Variants in JARID2 observed in about 807,000 individuals in gnomAD.
The protein encoded by JARID2 is protein Jumonji.
Under a neutral mutation model 125.6 loss-of-function variants are expected in JARID2, and 21 were observed. The ratio of observed to expected loss-of-function variants is 0.17; its 90% CI spans 0.12 to 0.24. The LOEUF is 0.24. Ranked by LOEUF, JARID2 falls within the 10% of genes least tolerant of loss-of-function variation. The pLI is 1.00. For missense variants in JARID2, 1,303 were observed against 1,639.6 expected (o/e 0.79, Z 3.55); for synonymous variants, 736 against 661.6 (o/e 1.11, Z -1.73).
intron 12 of JARID2, chr6:15,509,122 C>T (rs1159129503): frequency 1.4e-5 from 18 of 1,288,854 alleles, no homozygotes; most frequent in South Asian, 3.7e-5. Flanking sequence ...TAATCTGACT[C>T]TCACTGTAGC....
At chr6:15,501,908 C>T (rs900329432) in intron 8 of JARID2, among the ~76,000 whole-genome samples, 11 of 152,176 alleles carry the variant, frequency 7.2e-5, no homozygotes, top group African/African-American at 1.9e-4. Flanking sequence ...TCCTGGTGCT[C>T]GACAGCTGCC....
At chr6:15,271,049 C>T (rs1173843471) in intron 1 of JARID2, among the ~76,000 whole-genome samples, 1 of 152,176 alleles carries the variant, frequency 6.6e-6, no homozygotes. Flanking sequence ...GATGGGAACA[C>T]AGAGTTCCCC....
intron 3 of JARID2, among the ~76,000 whole-genome samples, chr6:15,444,468 G>T (rs968613683): frequency 9.2e-5 from 14 of 152,154 alleles, no homozygotes; most frequent in Non-Finnish European, 1.8e-4. Context: ...TGGGTAGAGG[G>T]TATCCCTTGC....
intron 1 of JARID2, among the ~76,000 whole-genome samples, chr6:15,367,434 A>C (rs1764019657): frequency 6.6e-6 from 1 of 152,142 alleles, no homozygotes; most frequent in Admixed American, 6.5e-5. Flanking sequence ...ACTACTAATA[A>C]TAGTTTTTTT....
chr6:15,497,237 C>T, intron 7 of JARID2, 67 bp downstream of exon 7: 2 of 1,196,286 alleles, frequency 1.7e-6, no homozygotes, highest in East Asian at 2.6e-5. Context: ...GCAGTTCCCT[C>T]ACAGTCTTCA....
intron 3 of JARID2, among the ~76,000 whole-genome samples, chr6:15,436,847 T>A (rs368386859): frequency 3.9e-5 from 6 of 152,026 alleles, no homozygotes; most frequent in African/African-American, 1.5e-4. Context: ...ATATTCTGTG[T>A]TTTCCTATTC....
At chr6:15,364,191 A>G (rs1195895014) in intron 1 of JARID2, among the ~76,000 whole-genome samples, 2 of 152,164 alleles carry the variant, frequency 1.3e-5, no homozygotes, top group Non-Finnish European at 2.9e-5. Flanking sequence ...ATGATCCCCC[A>G]GCAGTGTCCT....
At chr6:15,503,931 G>T (rs1274269005) in intron 8 of JARID2, among the ~76,000 whole-genome samples, 1 of 152,218 alleles carries the variant, frequency 6.6e-6, no homozygotes, top group East Asian at 1.9e-4. Context: ...AGGCGCAGAG[G>T]GGACAGCAGG....
At chr6:15,338,248 A>T (rs1444417628) in intron 1 of JARID2, among the ~76,000 whole-genome samples, 1 of 152,106 alleles carries the variant, frequency 6.6e-6, no homozygotes, top group African/African-American at 2.4e-5. Context: ...GGAATGAGGG[A>T]CGCCTCTATT....
chr6:15,382,284 A>G (rs1032468045), intron 2 of JARID2, among the ~76,000 whole-genome samples: 1 of 152,150 alleles, frequency 6.6e-6, no homozygotes, highest in Non-Finnish European at 1.5e-5. Context: ...AAAAACCCCA[A>G]ACGAGTGTAT....
intron 1 of JARID2, among the ~76,000 whole-genome samples, chr6:15,342,028 A>G (rs1473495847): frequency 1.3e-5 from 2 of 152,144 alleles, no homozygotes; most frequent in Non-Finnish European, 2.9e-5. Context: ...CAGCATTTAT[A>G]CCACACAGTG....
intron 1 of JARID2, among the ~76,000 whole-genome samples, chr6:15,343,152 TCGGGAGGTGGAGG>T (rs1763124830): frequency 6.9e-6 from 1 of 145,718 alleles, no homozygotes; most frequent in Non-Finnish European, 1.5e-5. Context: ...GCACTTGAAC[TCGGGAGGTGGAGG>T]TTGCAGTGAG....
At chr6:15,446,763 G>C (rs529916681) in intron 3 of JARID2, among the ~76,000 whole-genome samples, 65 of 152,342 alleles carry the variant, frequency 4.3e-4, no homozygotes, top group African/African-American at 1.3e-3. Context: ...ATGAATGAGG[G>C]ACCATGGAGC....
intron 1 of JARID2, chr6:15,249,003 A>C (rs1054294004): frequency 2.1e-6 from 2 of 969,702 alleles, no homozygotes; most frequent in Non-Finnish European, 2.5e-6. Flanking sequence ...AAGGAGTGCC[A>C]CTGGACCCTG....
intron 3 of JARID2, among the ~76,000 whole-genome samples, chr6:15,411,885 G>A (rs564227160): frequency 6.6e-6 from 1 of 152,308 alleles, no homozygotes; most frequent in South Asian, 2.1e-4. Flanking sequence ...AGTGATGTGT[G>A]TTGTAGGCTT....
intron 1 of JARID2, chr6:15,248,898 A>C: frequency 5.1e-6 from 5 of 984,762 alleles, no homozygotes; most frequent in Non-Finnish European, 6.0e-6. Flanking sequence ...GCGGCGTGGG[A>C]GGAGGAAGAG....
At chr6:15,485,460 C>A (rs1769822294) in intron 5 of JARID2, among the ~76,000 whole-genome samples, 1 of 152,182 alleles carries the variant, frequency 6.6e-6, no homozygotes, top group African/African-American at 2.4e-5. Context: ...GAGAGAAAAT[C>A]TGGAGATCTA....
chr6:15,370,789 T>TAGA lies in JARID2; in HGVS notation c.46-3328_46-3327insAGA, dbSNP rs1764139154. On this transcript the variant is annotated intron_variant, in intron 1 of 17. Coordinates refer to ENST00000341776, the MANE Select transcript of JARID2 (RefSeq NM_004973.4). ...GGATAGGTTGAGTGCAGGCACACCT[T>TAGA]TGCTGTCTGCATCTGGGATTCTGCT... Among the ~76,000 whole-genome samples, 8 of 152,318 alleles carry TAGA rather than the reference T, an allele frequency of 5.3e-5. No homozygotes were observed. In the South Asian group the frequency reaches 1.7e-3, roughly 32 times the overall value.
At chr6:15,420,038 T>C (rs564524083) in intron 3 of JARID2, among the ~76,000 whole-genome samples, 26 of 152,238 alleles carry the variant, frequency 1.7e-4, no homozygotes, top group Non-Finnish European at 3.7e-4. Context: ...TTGATCTGTA[T>C]GTTGCATTTT....
Sources: gnomAD v4.1 joint callset for allele counts (sites outside exome capture counted in the v4.1 genomes callset) on GRCh38, gnomAD v4.1.1 for gene constraint, MANE v1.5 for transcripts, NCBI Gene and HGNC (gene_info 2026-07-23, HGNC 2026-07-21) for gene names.